The following CUX1 variants were observed in gnomAD, a reference collection of about 807,000 sequenced individuals.
The protein encoded by CUX1 is protein CASP.
Under a neutral mutation model 158.8 loss-of-function variants are expected in CUX1, and 31 were observed. That is an observed-to-expected ratio of 0.20 (90% CI 0.15 to 0.26). The LOEUF is 0.26. Among genes scored for constraint, CUX1 ranks in the 10% least tolerant of loss-of-function variants. CUX1 has a pLI of 1.00. For synonymous variants in CUX1, 879 were observed against 862.1 expected, an observed-to-expected ratio of 1.02 and a Z score of -0.34; for missense variants, 1,589 against 2,014.6, an observed-to-expected ratio of 0.79 and a Z score of 4.04.
chr7:101,854,868 C>T (rs1354221913), intron 1 of CUX1, among the ~76,000 whole-genome samples: 1 of 152,198 alleles, frequency 6.6e-6, no homozygotes, highest in African/African-American at 2.4e-5. Context: ...CCTCAGCCTC[C>T]CAAGTAGCTG....
rs553937540 is a variant in CUX1 at position 102,124,124 on chromosome 7, C to T, written c.674+8851C>T. On this transcript the variant is annotated intron_variant, in intron 8 of 23. Transcript: ENST00000292535. ...TGTTAAGGTAAGCCTAGGGATCTTG[C>T]AGTGTATATGTGAAGGAAATGGGTA... 2.0e-5 allele frequency among the ~76,000 whole-genome samples: 3 copies of T among 152,218 alleles called. No individual in the cohort carries two copies. The East Asian group carries it at 5.8e-4, about 29-fold the overall frequency.
intron 1 of CUX1, among the ~76,000 whole-genome samples, chr7:101,863,610 C>T (rs775548286): frequency 2.0e-5 from 3 of 152,204 alleles, no homozygotes; most frequent in Non-Finnish European, 2.9e-5. Flanking sequence ...CTCGGCCTCC[C>T]ACAGTGTGGG....
intron 10 of CUX1, among the ~76,000 whole-genome samples, chr7:102,175,010 G>A (rs1792154185): frequency 6.6e-6 from 1 of 152,228 alleles, no homozygotes; most frequent in African/African-American, 2.4e-5. Context: ...TCATTTCCAA[G>A]GTCTTACTGC....
chr7:102,231,143 C>T (rs1396332483), intron 21 of CUX1, among the ~76,000 whole-genome samples: 5 of 151,696 alleles, frequency 3.3e-5, no homozygotes, highest in Non-Finnish European at 7.4e-5. Flanking sequence ...CATTCTCCTG[C>T]CTCAGCCTCC....
At chr7:102,036,359 C>T (rs1821421972) in intron 3 of CUX1, among the ~76,000 whole-genome samples, 1 of 152,080 alleles carries the variant, frequency 6.6e-6, no homozygotes, top group Non-Finnish European at 1.5e-5. Flanking sequence ...TGAACCACTC[C>T]AAGTTAGAGG....
intron 12 of CUX1, among the ~76,000 whole-genome samples, chr7:102,192,800 T>C (rs146161085): frequency 5.7e-4 from 87 of 152,290 alleles, no homozygotes; most frequent in African/African-American, 2.0e-3. Context: ...CCATCCTTGG[T>C]ATTTCAAAGA....
At chr7:102,063,383 CTTT>C (rs11368644) in intron 3 of CUX1, among the ~76,000 whole-genome samples, 5 of 89,270 alleles carry the variant, frequency 5.6e-5, no homozygotes, top group East Asian at 3.8e-4. Context: ...ATTTCCTTTT[CTTT>C]TTTTTTTTTT....
chr7:102,148,094 C>A (rs960172565), intron 8 of CUX1, among the ~76,000 whole-genome samples: 1 of 152,180 alleles, frequency 6.6e-6, no homozygotes, highest in Admixed American at 6.6e-5. Flanking sequence ...AATATATGAA[C>A]AAGAGACTTT....
intron 2 of CUX1, among the ~76,000 whole-genome samples, chr7:102,016,780 C>A (rs1168611362): frequency 6.6e-6 from 1 of 152,212 alleles, no homozygotes; most frequent in African/African-American, 2.4e-5. Context: ...TCTGATTATT[C>A]TTACGGATAG....
intron 1 of CUX1, among the ~76,000 whole-genome samples, chr7:101,900,038 G>T (rs1345114551): frequency 6.6e-6 from 1 of 152,208 alleles, no homozygotes; most frequent in East Asian, 1.9e-4. Flanking sequence ...GAGCCCCTCA[G>T]CTATCTTGTA....
chr7:102,137,497 G>A (rs782065683), intron 8 of CUX1, among the ~76,000 whole-genome samples: 3 of 152,094 alleles, frequency 2.0e-5, no homozygotes, highest in Non-Finnish European at 4.4e-5. Flanking sequence ...TTAGCCGGGC[G>A]TGGTGGTGGA....
chr7:102,111,081 A>G (rs781867446), intron 6 of CUX1, among the ~76,000 whole-genome samples: 1 of 151,970 alleles, frequency 6.6e-6, no homozygotes, highest in Non-Finnish European at 1.5e-5. Flanking sequence ...TATAAAAATA[A>G]TCAACTTATT....
intron 11 of CUX1, among the ~76,000 whole-genome samples, chr7:102,187,800 C>T (rs782026021): frequency 4.0e-4 from 61 of 152,042 alleles, no homozygotes; most frequent in Non-Finnish European, 7.2e-4. Flanking sequence ...TCAGCCACCG[C>T]GCCCAGCCCT....
intron 12 of CUX1, among the ~76,000 whole-genome samples, chr7:102,192,070 T>C (rs1554517157): frequency 6.6e-6 from 1 of 152,208 alleles, no homozygotes; most frequent in Non-Finnish European, 1.5e-5. Context: ...TTTGCCCAAA[T>C]GCGCTCCTAG....
chr7:102,016,470 T>A (rs1320153005), intron 2 of CUX1, among the ~76,000 whole-genome samples: 1 of 152,208 alleles, frequency 6.6e-6, no homozygotes, highest in Non-Finnish European at 1.5e-5. Flanking sequence ...GTCGCATAAA[T>A]GGAAGTCACG....
At chr7:102,265,232 T>G (rs1790716488) in intron 14 of CUX1, among the ~76,000 whole-genome samples, 1 of 151,836 alleles carries the variant, frequency 6.6e-6, no homozygotes, top group Non-Finnish European at 1.5e-5. Flanking sequence ...AGCGGGCGCC[T>G]GTAATCCCAG....
chr7:102,111,201 C>A (rs1417151705), intron 6 of CUX1, among the ~76,000 whole-genome samples: 1 of 151,872 alleles, frequency 6.6e-6, no homozygotes, highest in Non-Finnish European at 1.5e-5. Flanking sequence ...AATGCAGTTG[C>A]GAGCATTCAC....
At chr7:102,041,219 G>A (rs756616156) in intron 3 of CUX1, among the ~76,000 whole-genome samples, 1 of 141,432 alleles carries the variant, frequency 7.1e-6, no homozygotes, top group Non-Finnish European at 1.5e-5. Context: ...TTGCTTGGAC[G>A]ACCACCTGCC....
intron 19 of CUX1, 116 bp downstream of exon 19, chr7:102,204,672 C>A: frequency 7.5e-7 from 1 of 1,337,066 alleles, no homozygotes; most frequent in Non-Finnish European, 1.0e-6. Context: ...CAGGAGGTGG[C>A]CAACCACACT....
Sources: gnomAD v4.1 joint callset for allele counts (sites outside exome capture counted in the v4.1 genomes callset) on GRCh38, gnomAD v4.1.1 for gene constraint, MANE v1.5 for transcripts, NCBI Gene and HGNC (gene_info 2026-07-23, HGNC 2026-07-21) for gene names.